The following MLLT10 variants were observed in gnomAD, a reference collection of about 807,000 sequenced individuals.
MLLT10 encodes protein AF-10.
In MLLT10, 30 loss-of-function variants were observed where a neutral mutation model predicts 129.1. The ratio of observed to expected loss-of-function variants is 0.23; its 90% CI spans 0.17 to 0.32. The LOEUF is 0.32. Among genes scored for constraint, MLLT10 ranks in the 10% least tolerant of loss-of-function variants. The pLI is 1.00. For synonymous variants in MLLT10, 490 were observed against 446.4 expected, an observed-to-expected ratio of 1.10 and a Z score of -1.23; for missense variants, 1,119 against 1,268.3, an observed-to-expected ratio of 0.88 and a Z score of 1.79.
intron 8 of MLLT10, among the ~76,000 whole-genome samples, chr10:21,650,153 CA>C (rs905330029): frequency 1.3e-5 from 2 of 151,818 alleles, no homozygotes; most frequent in Non-Finnish European, 2.9e-5. Context: ...TGCAGTGAGC[CA>C]AAATCACACC....
At chr10:21,724,239 C>T (rs2057323624) in intron 14 of MLLT10, among the ~76,000 whole-genome samples, 1 of 152,220 alleles carries the variant, frequency 6.6e-6, no homozygotes, top group Non-Finnish European at 1.5e-5. Context: ...CTATAAAATA[C>T]ACGCTTTGAG....
At chr10:21,543,900 A>G (rs951165871) in intron 3 of MLLT10, among the ~76,000 whole-genome samples, 9 of 152,236 alleles carry the variant, frequency 5.9e-5, no homozygotes, top group African/African-American at 1.9e-4. Context: ...TCACCCAGAA[A>G]GGGAATTGAA....
chr10:21,726,398 C>T (rs1343852553), intron 15 of MLLT10, 43 bp downstream of exon 15: 1 of 1,386,548 alleles, frequency 7.2e-7, no homozygotes, highest in Non-Finnish European at 1.0e-6. Flanking sequence ...CTACTCTCAC[C>T]TACTTTAATT....
chr10:21,576,617 C>T (rs1232409269), intron 3 of MLLT10, among the ~76,000 whole-genome samples: 51 of 151,622 alleles, frequency 3.4e-4, no homozygotes, highest in Admixed American at 3.2e-3. Flanking sequence ...CTTTTCTATC[C>T]GTGCTAATAC....
intron 9 of MLLT10, among the ~76,000 whole-genome samples, chr10:21,663,446 G>A (rs547788144): frequency 2.0e-5 from 3 of 149,760 alleles, no homozygotes; most frequent in African/African-American, 4.9e-5. Context: ...GTGTGATCTC[G>A]GCTCACTGCA....
chr10:21,561,507 C>A (rs2038799507), intron 3 of MLLT10, among the ~76,000 whole-genome samples: 1 of 152,260 alleles, frequency 6.6e-6, no homozygotes, highest in African/African-American at 2.4e-5. Flanking sequence ...GATCCGCCCA[C>A]CTCGGCCTCC....
At chr10:21,692,990 T>C (rs2054020501) in intron 13 of MLLT10, among the ~76,000 whole-genome samples, 1 of 152,190 alleles carries the variant, frequency 6.6e-6, no homozygotes, top group Non-Finnish European at 1.5e-5. Context: ...TAAATCTTTC[T>C]TTTAATCTTT....
chr10:21,739,068 C>G (rs1324317135), intron 21 of MLLT10, among the ~76,000 whole-genome samples: 1 of 152,168 alleles, frequency 6.6e-6, no homozygotes. Flanking sequence ...CATCGTTTTC[C>G]TCACCTCAGC....
intron 17 of MLLT10, 41 bp from the exon 18 acceptor site, chr10:21,732,858 G>A: frequency 1.3e-6 from 2 of 1,557,478 alleles, no homozygotes; most frequent in Non-Finnish European, 1.8e-6. Flanking sequence ...AGTCTTATGT[G>A]TGTACTTGTC....
At chr10:21,594,042 G>A (rs1487308827) in intron 4 of MLLT10, among the ~76,000 whole-genome samples, 1 of 151,426 alleles carries the variant, frequency 6.6e-6, no homozygotes, top group East Asian at 1.9e-4. Context: ...GTGCCTTGGG[G>A]GTTGTAATTT....
At chr10:21,605,497 T>G (rs116584019) in intron 5 of MLLT10, among the ~76,000 whole-genome samples, 4,328 of 152,248 alleles carry the variant, frequency 0.028, 208 homozygotes, top group African/African-American at 0.097. Context: ...CCTGTTTGGA[T>G]TGCAGTGGCA....
intron 3 of MLLT10, among the ~76,000 whole-genome samples, chr10:21,542,306 A>G (rs1189902152): frequency 2.6e-5 from 4 of 152,090 alleles, no homozygotes; most frequent in African/African-American, 4.8e-5. Flanking sequence ...TGGTGGCTCA[A>G]GCCTGTAATC....
chr10:21,596,306 C>G, intron 5 of MLLT10, among the ~76,000 whole-genome samples: 1 of 152,092 alleles, frequency 6.6e-6, no homozygotes, highest in East Asian at 1.9e-4. Context: ...GGAACTTACA[C>G]AGCATCTTTT....
At chr10:21,692,477 C>G (rs1338333423) in intron 13 of MLLT10, among the ~76,000 whole-genome samples, 1 of 151,208 alleles carries the variant, frequency 6.6e-6, no homozygotes, top group Non-Finnish European at 1.5e-5. Flanking sequence ...GCCTATTGTT[C>G]TGCCACATCT....
intron 12 of MLLT10, 37 bp from the exon 13 acceptor site, chr10:21,682,188 G>A: frequency 6.3e-7 from 1 of 1,584,382 alleles, no homozygotes; most frequent in Non-Finnish European, 8.6e-7. Context: ...GTTTGAGAAT[G>A]ATCTTAACCT....
chr10:21,691,084 A>G (rs2053804579), intron 13 of MLLT10, among the ~76,000 whole-genome samples: 1 of 152,210 alleles, frequency 6.6e-6, no homozygotes, highest in Non-Finnish European at 1.5e-5. Context: ...ATAATTGGAA[A>G]GTGCTTGCTT....
At chr10:21,627,412 G>A (rs1220884419) in intron 8 of MLLT10, among the ~76,000 whole-genome samples, 1 of 152,180 alleles carries the variant, frequency 6.6e-6, no homozygotes, top group African/African-American at 2.4e-5. Flanking sequence ...TCAAATTGCA[G>A]CCACTGATGT....
chr10:21,722,087 A>C (rs2057173496), intron 14 of MLLT10, among the ~76,000 whole-genome samples: 1 of 151,954 alleles, frequency 6.6e-6, no homozygotes, highest in African/African-American at 2.4e-5. Flanking sequence ...AATCTTTCAA[A>C]TATATATATA....
At chr10:21,678,756 C>G (rs1012410408) in intron 11 of MLLT10, among the ~76,000 whole-genome samples, 1 of 152,108 alleles carries the variant, frequency 6.6e-6, no homozygotes, top group Non-Finnish European at 1.5e-5. Context: ...AAAAAAAATG[C>G]TATCTCATTC....
Sources: gnomAD v4.1 joint callset for allele counts (sites outside exome capture counted in the v4.1 genomes callset) on GRCh38, gnomAD v4.1.1 for gene constraint, MANE v1.5 for transcripts, NCBI Gene and HGNC (gene_info 2026-07-23, HGNC 2026-07-21) for gene names.